Variants in ALKBH3 observed in about 807,000 individuals in gnomAD.
ALKBH3 encodes the protein alpha-ketoglutarate-dependent dioxygenase alkB homolog 3.
In ALKBH3, 51 loss-of-function variants were observed where a neutral mutation model predicts 43.9. The observed-to-expected ratio is 1.16, with a 90% CI of 0.93 to 1.47. ALKBH3 has a LOEUF of 1.47. ALKBH3 is among the 40% of genes most tolerant of loss of function. ALKBH3 has a pLI of 0.00. For synonymous variants in ALKBH3, 102 were observed against 115.2 expected (o/e 0.89, Z 0.73); for missense variants, 361 against 351.9 (o/e 1.03, Z -0.21).
At chr11:43,896,075 G>T (rs1056084076) in intron 7 of ALKBH3, among the ~76,000 whole-genome samples, 1 of 152,160 alleles carries the variant, frequency 6.6e-6, no homozygotes, top group African/African-American at 2.4e-5. Context: ...ACCGACTGTG[G>T]TTATTCAAAC....
intron 8 of ALKBH3, among the ~76,000 whole-genome samples, chr11:43,912,726 A>AT (rs1951949664): frequency 6.6e-6 from 1 of 152,178 alleles, no homozygotes; most frequent in African/African-American, 2.4e-5. Context: ...GAATGTGATA[A>AT]TTTTTTAAAA....
chr11:43,889,222 A>C (rs1321471175), intron 5 of ALKBH3, among the ~76,000 whole-genome samples: 1 of 152,112 alleles, frequency 6.6e-6, no homozygotes, highest in Non-Finnish European at 1.5e-5. Context: ...ACGGGGTTTC[A>C]CCATGTTGGT....
In ALKBH3 at chr11:43,919,990, C is replaced by T; in HGVS notation, c.841C>T (p.Pro281Ser). Residue 281 changes from proline (P) to serine (S), a missense_variant, in exon 10 of 10, where the codon CCT becomes TCT. Physicochemically the swap from Pro to Ser is moderately conservative, Grantham distance 74. Transcript: ENST00000302708. ...NLTFRTVYPD[P>S]RGAPW Reference sequence around the variant, plus strand: ...GACCTTTCGGACAGTCTATCCAGACCCTCGAGGGGCACCCTGGTGACGTCA... The same window carrying T: ...GACCTTTCGGACAGTCTATCCAGACTCTCGAGGGGCACCCTGGTGACGTCA... 2 of 1,613,936 alleles carry T rather than the reference C, an allele frequency of 1.2e-6. No homozygotes were observed. The highest frequency in any genetic ancestry group is 1.7e-6 in the Non-Finnish European group (2 of 1,179,932).
At chr11:43,909,463 A>G (rs912373587) in intron 8 of ALKBH3, 1 of 152,246 alleles carries the variant, frequency 6.6e-6, no homozygotes, top group African/African-American at 2.4e-5. Flanking sequence ...TAGGTGATCC[A>G]TGAAACAGTC....
At chr11:43,889,551 A>C (rs182562008) in intron 5 of ALKBH3, among the ~76,000 whole-genome samples, 174 bp from the exon 6 acceptor site, 3 of 152,288 alleles carry the variant, frequency 2.0e-5, no homozygotes, top group Middle Eastern at 3.4e-3. Flanking sequence ...TTTATTTTAT[A>C]TCTGGAGCCT....
At chr11:43,885,919 G>GGATT (rs1951743293) in intron 4 of ALKBH3, among the ~76,000 whole-genome samples, 1 of 152,226 alleles carries the variant, frequency 6.6e-6, no homozygotes, top group African/African-American at 2.4e-5. Flanking sequence ...GCTGAAGCTA[G>GGATT]GATTTTTGAA....
At chr11:43,916,593 A>G (rs1951985200) in intron 8 of ALKBH3, 1 of 152,114 alleles carries the variant, frequency 6.6e-6, no homozygotes, top group African/African-American at 2.4e-5. Flanking sequence ...GAGTAAATCA[A>G]AAGGGCTACA....
In ALKBH3 at chr11:43,892,141, TATTGTC is replaced by T; in HGVS notation, c.459+17_459+22del. 1 of 1,586,442 alleles carries T rather than the reference TATTGTC, an allele frequency of 6.3e-7. No homozygotes were observed. Among genetic ancestry groups the T allele is most frequent in the Non-Finnish European group, 8.7e-7 (1 of 1,154,834 alleles). Reference sequence around the variant, plus strand: ...AACCAAATCCTCACGTATGTCAACATATTGTCATTGGTATGGTTTTATAGACTATAT... The same window carrying T: ...AACCAAATCCTCACGTATGTCAACATATTGGTATGGTTTTATAGACTATAT... On this transcript the variant is annotated intron_variant, in intron 7 of 9. Coordinates refer to ENST00000302708, the MANE Select transcript of ALKBH3 (RefSeq NM_139178.4).
intron 6 of ALKBH3, 139 bp downstream of exon 6, chr11:43,889,967 C>A: frequency 1.4e-6 from 1 of 691,964 alleles, no homozygotes; most frequent in South Asian, 1.9e-5. Context: ...GTAGAATTAG[C>A]CAAAAAGGAC....
rs139676975 is a variant in ALKBH3, at chr11:43,902,710, C to T, written c.669+985C>T. On this transcript the variant is annotated intron_variant, in intron 8 of 9. Coordinates refer to ENST00000302708, the MANE Select transcript of ALKBH3 (RefSeq NM_139178.4). ...CTCCCCAGTTCAAGCGATTCACTTG[C>T]GTTAGCCTCCCGAGTAGCTGGGATT... Among the ~76,000 whole-genome samples, 448 of 152,362 alleles carry T rather than the reference C, an allele frequency of 2.9e-3. 2 individuals carry two copies. The highest frequency in any genetic ancestry group is 6.8e-3 in the Middle Eastern group (2 of 294).
At chr11:43,903,360 A>G (rs1951875608) in intron 8 of ALKBH3, among the ~76,000 whole-genome samples, 1 of 152,234 alleles carries the variant, frequency 6.6e-6, no homozygotes, top group Non-Finnish European at 1.5e-5. Flanking sequence ...TGAAAAATTC[A>G]TCCTGCCCTT....
chr11:43,892,260 A>G (rs1951789253), intron 7 of ALKBH3, 131 bp downstream of exon 7: 2 of 717,320 alleles, frequency 2.8e-6, no homozygotes, highest in African/African-American at 1.8e-5. Flanking sequence ...TCTGGGTTGA[A>G]ACATTGAGTC....
chr11:43,914,781 G>T (rs1289354278), intron 8 of ALKBH3, among the ~76,000 whole-genome samples: 1 of 152,126 alleles, frequency 6.6e-6, no homozygotes. Flanking sequence ...ACAAACAAAT[G>T]CCTTAATATC....
intron 8 of ALKBH3, among the ~76,000 whole-genome samples, chr11:43,904,695 TAAATAATCCTTTTTTCCA>T (rs1357938060): frequency 6.6e-6 from 1 of 152,226 alleles, no homozygotes; most frequent in Non-Finnish European, 1.5e-5. Context: ...CTTTATCTTA[TAAATAATCCTTTTTTCCA>T]AAGGATTGAA....
intron 7 of ALKBH3, chr11:43,898,700 G>A: frequency 1.4e-6 from 1 of 716,914 alleles, no homozygotes; most frequent in South Asian, 1.5e-5. Context: ...GTGAAGGCCA[G>A]TTACCCTAAG....
intron 8 of ALKBH3, chr11:43,916,546 T>TG (rs1215991024): frequency 6.6e-6 from 1 of 152,148 alleles, no homozygotes; most frequent in Non-Finnish European, 1.5e-5. Context: ...GCCCTGGTTT[T>TG]GGGGGGTGTG....
chr11:43,895,404 C>T (rs1253103697), intron 7 of ALKBH3, among the ~76,000 whole-genome samples: 1 of 152,146 alleles, frequency 6.6e-6, no homozygotes, highest in African/African-American at 2.4e-5. Context: ...GCGCTCTTGC[C>T]TGCTGCCATG....
chr11:43,909,178 T>A (rs1039403755), intron 8 of ALKBH3: 16 of 152,356 alleles, frequency 1.1e-4, no homozygotes, highest in Non-Finnish European at 2.1e-4. Context: ...CTTTAGCAGA[T>A]CTTATTTCAG....
At chr11:43,899,170 C>T in intron 7 of ALKBH3, 1 of 782,718 alleles carries the variant, frequency 1.3e-6, no homozygotes, top group South Asian at 1.3e-5. Flanking sequence ...CTAGGGGCCC[C>T]ACCTCTCCAG....
Sources: allele counts gnomAD v4.1 joint callset (sites outside exome capture counted in the v4.1 genomes callset), GRCh38; gene constraint gnomAD v4.1.1; transcripts MANE v1.5; gene names NCBI Gene and HGNC (gene_info 2026-07-23, HGNC 2026-07-21).